SGCZ: variants seen among roughly 807,000 people sequenced by gnomAD.
The protein encoded by SGCZ is zeta-sarcoglycan.
Under a neutral mutation model 41.3 loss-of-function variants are expected in SGCZ, and 40 were observed. That is an observed-to-expected ratio of 0.97 (90% CI 0.75 to 1.26). SGCZ has a LOEUF of 1.26. SGCZ is among the 50% of genes most tolerant of loss of function. The pLI is 0.00. For synonymous variants in SGCZ, 206 were observed against 137.5 expected, an observed-to-expected ratio of 1.50 and a Z score of -3.49; for missense variants, 552 against 369.8, an observed-to-expected ratio of 1.49 and a Z score of -4.04.
At chr8:14,197,490 G>T (rs1585222196) in intron 4 of SGCZ, among the ~76,000 whole-genome samples, 1 of 151,920 alleles carries the variant, frequency 6.6e-6, no homozygotes, top group East Asian at 1.9e-4. Flanking sequence ...TGCAAGGCTG[G>T]TATGTTCAGC....
At chr8:14,545,161 C>T (rs1364593087) in intron 2 of SGCZ, among the ~76,000 whole-genome samples, 1 of 152,056 alleles carries the variant, frequency 6.6e-6, no homozygotes, top group Non-Finnish European at 1.5e-5. Context: ...ATATTGGGGG[C>T]ATGTCCCCCA....
intron 1 of SGCZ, chr8:14,879,214 G>A (rs905563697): frequency 6.6e-6 from 1 of 152,154 alleles, no homozygotes; most frequent in African/African-American, 2.4e-5. Flanking sequence ...TGTTTTCTCA[G>A]CTACTCAGGA....
chr8:14,213,002 A>G (rs1805868462), intron 4 of SGCZ, among the ~76,000 whole-genome samples: 1 of 152,130 alleles, frequency 6.6e-6, no homozygotes, highest in Non-Finnish European at 1.5e-5. Context: ...AAGACAGATC[A>G]ATAGGATTAC....
chr8:15,007,255 C>CTT (rs1802638142), intron 1 of SGCZ, among the ~76,000 whole-genome samples: 1 of 152,072 alleles, frequency 6.6e-6, no homozygotes, highest in South Asian at 2.1e-4. Context: ...TAATTTTCAC[C>CTT]ACCTTACTAT....
chr8:14,459,491 A>C (rs1306702314), intron 2 of SGCZ, among the ~76,000 whole-genome samples: 1 of 152,168 alleles, frequency 6.6e-6, no homozygotes, highest in Non-Finnish European at 1.5e-5. Flanking sequence ...GGAGATACGA[A>C]AATCAAGTAT....
At chr8:14,319,552 C>T (rs970715114) in intron 3 of SGCZ, 1 of 151,764 alleles carries the variant, frequency 6.6e-6, no homozygotes, top group African/African-American at 2.4e-5. Flanking sequence ...AACTAGCAAA[C>T]AAAACTAATT....
rs771322117 is a variant in SGCZ, at chr8:14,090,370, G to T, written c.*73C>A. ...AAGAAGCTCTGGACTGATCACAAGG[G>T]AAACCGAGCAGAACTGTGAAGCAGA... On this transcript the variant is annotated 3_prime_UTR_variant, in exon 8 of 8. Transcript: ENST00000382080. 6 of 1,508,712 alleles carry T rather than the reference G, an allele frequency of 4.0e-6. No individual in the cohort carries two copies. Among genetic ancestry groups the T allele is most frequent in the Non-Finnish European group, 5.4e-6 (6 of 1,119,382 alleles). The allele number at this position is 1,508,712 out of a possible 1,614,324, so 93.5% of individuals were successfully genotyped here.
chr8:14,573,463 C>T (rs1296937890), intron 1 of SGCZ, among the ~76,000 whole-genome samples: 1 of 152,104 alleles, frequency 6.6e-6, no homozygotes, highest in Non-Finnish European at 1.5e-5. Context: ...GCTGGGATTA[C>T]AGGCATGAGC....
At chr8:14,814,135 T>TCAAAC (rs1217381701) in intron 1 of SGCZ, among the ~76,000 whole-genome samples, 1 of 152,146 alleles carries the variant, frequency 6.6e-6, no homozygotes, top group African/African-American at 2.4e-5. Flanking sequence ...AAAAAGCATT[T>TCAAAC]TACTTTGAGT....
At chr8:14,524,857 C>T (rs1414288177) in intron 2 of SGCZ, among the ~76,000 whole-genome samples, 1 of 152,026 alleles carries the variant, frequency 6.6e-6, no homozygotes, top group East Asian at 1.9e-4. Flanking sequence ...ATAACTGTAG[C>T]ATGTCTGAAA....
At chr8:15,156,736 G>A (rs1206050653) in intron 1 of SGCZ, among the ~76,000 whole-genome samples, 1 of 152,064 alleles carries the variant, frequency 6.6e-6, no homozygotes, top group East Asian at 1.9e-4. Flanking sequence ...CTGAGGTCAG[G>A]AGTTCAAGAC....
intron 7 of SGCZ, 39 bp from the exon 8 acceptor site, chr8:14,090,676 A>C: frequency 6.4e-7 from 1 of 1,573,478 alleles, no homozygotes; most frequent in South Asian, 1.1e-5. Context: ...TTCATTTTAG[A>C]AATGTAGCAT....
chr8:14,857,114 G>T (rs186106677), intron 1 of SGCZ, among the ~76,000 whole-genome samples: 1 of 152,224 alleles, frequency 6.6e-6, no homozygotes, highest in Non-Finnish European at 1.5e-5. Context: ...GTGTTTAAAA[G>T]TGCGTAGCGC....
chr8:14,542,800 T>TA (rs1372096432), intron 2 of SGCZ, among the ~76,000 whole-genome samples: 9 of 151,724 alleles, frequency 5.9e-5, no homozygotes, highest in South Asian at 2.1e-4. Flanking sequence ...TTTCATATTT[T>TA]AAAAAAAAAT....
At chr8:14,272,886 T>C (rs10107379) in intron 3 of SGCZ, among the ~76,000 whole-genome samples, 32,951 of 152,140 alleles carry the variant, frequency 0.22, 3,762 homozygotes, top group East Asian at 0.3. Context: ...ATTTTTATAT[T>C]AGAAATGACT....
intron 1 of SGCZ, among the ~76,000 whole-genome samples, chr8:15,095,684 T>G (rs996196847): frequency 6.6e-6 from 1 of 152,146 alleles, no homozygotes; most frequent in African/African-American, 2.4e-5. Flanking sequence ...AAAAGCCCAT[T>G]GACCTTTACC....
At chr8:14,731,924 A>G (rs1339367424) in intron 1 of SGCZ, among the ~76,000 whole-genome samples, 1 of 152,164 alleles carries the variant, frequency 6.6e-6, no homozygotes, top group African/African-American at 2.4e-5. Context: ...TAATAACCTT[A>G]CATATCTATC....
chr8:14,837,784 T>C (rs945546272), intron 1 of SGCZ, among the ~76,000 whole-genome samples: 10 of 152,178 alleles, frequency 6.6e-5, no homozygotes, highest in Non-Finnish European at 1.2e-4. Flanking sequence ...TAACTTTTCA[T>C]TTTGAGTAAT....
intron 1 of SGCZ, among the ~76,000 whole-genome samples, chr8:15,233,824 G>C (rs1045675786): frequency 3.3e-5 from 5 of 152,030 alleles, no homozygotes; most frequent in Non-Finnish European, 7.4e-5. Flanking sequence ...CTTCCAGCCA[G>C]TCATCCCACT....
Sources: gnomAD v4.1 joint callset for allele counts (sites outside exome capture counted in the v4.1 genomes callset) on GRCh38, gnomAD v4.1.1 for gene constraint, MANE v1.5 for transcripts, NCBI Gene and HGNC (gene_info 2026-07-23, HGNC 2026-07-21) for gene names.